Variants in STAC observed in about 807,000 individuals in gnomAD.
STAC encodes the protein SH3 and cysteine rich domain.
In STAC, 43 loss-of-function variants were observed where a neutral mutation model predicts 48.8. The observed-to-expected ratio is 0.88, with a 90% CI of 0.69 to 1.14. The LOEUF (loss-of-function observed/expected upper bound fraction) is 1.14, where lower values mean the gene tolerates loss of function less well. Ranked by LOEUF, STAC falls within the 50% of genes most tolerant of loss-of-function variation. STAC has a pLI of 0.00. For missense variants in STAC, 497 were observed against 504.0 expected (o/e 0.99, Z 0.13); for synonymous variants, 193 against 179.5 (o/e 1.07, Z -0.60).
chr3:36,532,302 T>C (rs926811344), intron 10 of STAC, among the ~76,000 whole-genome samples: 2 of 152,234 alleles, frequency 1.3e-5, no homozygotes, highest in African/African-American at 4.8e-5. Flanking sequence ...TACTTGAAAT[T>C]GACATACTTC....
At chr3:36,469,069 C>G (rs1697255051) in intron 2 of STAC, among the ~76,000 whole-genome samples, 1 of 152,070 alleles carries the variant, frequency 6.6e-6, no homozygotes, top group Non-Finnish European at 1.5e-5. Flanking sequence ...TTAAGTGGAG[C>G]ATTTAGGTCA....
chr3:36,524,507 G>A (rs1470242154), intron 8 of STAC, among the ~76,000 whole-genome samples: 5 of 151,988 alleles, frequency 3.3e-5, no homozygotes, highest in South Asian at 2.1e-4. Flanking sequence ...CAGGAGAATC[G>A]CTTGAACCTG....
intron 2 of STAC, among the ~76,000 whole-genome samples, chr3:36,445,261 AT>A (rs1216118382): frequency 6.6e-6 from 1 of 152,210 alleles, no homozygotes; most frequent in Non-Finnish European, 1.5e-5. Context: ...ACTAAAAAAA[AT>A]GTCCTATGCT....
intron 8 of STAC, among the ~76,000 whole-genome samples, chr3:36,518,260 AG>A (rs1698721513): frequency 6.6e-6 from 1 of 152,248 alleles, no homozygotes; most frequent in Admixed American, 6.5e-5. Flanking sequence ...AAGGATTGAG[AG>A]TAAATAAAAG....
chr3:36,488,296 T>G (rs1697870608), intron 5 of STAC, among the ~76,000 whole-genome samples: 1 of 152,144 alleles, frequency 6.6e-6, no homozygotes, highest in Non-Finnish European at 1.5e-5. Flanking sequence ...TATTGTGAAG[T>G]TAAACAAGGA....
At chr3:36,504,787 GAAT>G (rs1163299898) in intron 7 of STAC, among the ~76,000 whole-genome samples, 8 of 151,870 alleles carry the variant, frequency 5.3e-5, no homozygotes, top group African/African-American at 1.2e-4. Flanking sequence ...AGACAAACTA[GAAT>G]AATATTATAT....
chr3:36,530,601 T>C (rs1425017170), intron 10 of STAC, among the ~76,000 whole-genome samples: 5 of 143,026 alleles, frequency 3.5e-5, no homozygotes, highest in African/African-American at 1.3e-4. Flanking sequence ...TTCTTTTTTT[T>C]TTTTTTTTTT....
intron 2 of STAC, among the ~76,000 whole-genome samples, chr3:36,449,204 AC>A (rs1267416399): frequency 1.3e-5 from 2 of 152,082 alleles, no homozygotes; most frequent in Non-Finnish European, 2.9e-5. Context: ...TGTCTAGCCT[AC>A]CCCCTTTGGA....
At chr3:36,461,956 T>C (rs1490303645) in intron 2 of STAC, among the ~76,000 whole-genome samples, 1 of 152,114 alleles carries the variant, frequency 6.6e-6, no homozygotes, top group African/African-American at 2.4e-5. Flanking sequence ...TGCAAATGGT[T>C]GGTGTTGCTG....
intron 1 of STAC, among the ~76,000 whole-genome samples, chr3:36,418,133 T>G (rs558361154): frequency 2.6e-5 from 4 of 152,288 alleles, no homozygotes; most frequent in African/African-American, 9.6e-5. Context: ...GATTTATCTA[T>G]TTTATGATTT....
At chr3:36,480,714 C>A (rs1392997691) in intron 2 of STAC, among the ~76,000 whole-genome samples, 1 of 152,222 alleles carries the variant, frequency 6.6e-6, no homozygotes. Flanking sequence ...ACAAATAGAT[C>A]TTCAAGTTCC....
At chr3:36,489,109 A>G (rs1338730915) in intron 5 of STAC, among the ~76,000 whole-genome samples, 4 of 152,162 alleles carry the variant, frequency 2.6e-5, no homozygotes, top group South Asian at 2.1e-4. Context: ...TCCTCCCACA[A>G]GCCTTCAAGA....
At chr3:36,543,096 T>C (rs1005796275) in intron 10 of STAC, among the ~76,000 whole-genome samples, 2 of 152,286 alleles carry the variant, frequency 1.3e-5, no homozygotes, top group Admixed American at 1.3e-4. Context: ...ATATTGAGAA[T>C]GTCCTGAGCA....
At chr3:36,465,626 A>G (rs912902989) in intron 2 of STAC, among the ~76,000 whole-genome samples, 1 of 151,874 alleles carries the variant, frequency 6.6e-6, no homozygotes, top group Non-Finnish European at 1.5e-5. Context: ...AACAGTACTA[A>G]AGGGGAATTT....
rs116412464 is a variant in STAC at position 36,487,788 on chromosome 3, C to T, written c.687+1539C>T. Among the ~76,000 whole-genome samples, 516 of 152,200 alleles carry T rather than the reference C, an allele frequency of 3.4e-3. 4 individuals are homozygous for T. The highest frequency in any genetic ancestry group is 0.015 in the East Asian group (78 of 5,180). ...TTCATAGTAAAGATGAAAAATGTTT[C>T]ACTTCGGTAGACATTGCCTCAAAGC... On this transcript the variant is annotated intron_variant, in intron 5 of 10. Transcript: ENST00000273183.
chr3:36,477,223 T>A (rs1220836431), intron 2 of STAC, among the ~76,000 whole-genome samples: 5 of 152,202 alleles, frequency 3.3e-5, no homozygotes, highest in Admixed American at 6.5e-5. Flanking sequence ...AACAAGAATT[T>A]TAACTGTTGT....
intron 10 of STAC, among the ~76,000 whole-genome samples, chr3:36,533,357 A>G (rs1575268111): frequency 6.6e-6 from 1 of 152,008 alleles, no homozygotes; most frequent in East Asian, 1.9e-4. Flanking sequence ...AACCTTCCCC[A>G]AGTTTACCCA....
At chr3:36,522,283 G>A (rs924517428) in intron 8 of STAC, among the ~76,000 whole-genome samples, 1 of 152,016 alleles carries the variant, frequency 6.6e-6, no homozygotes, top group Non-Finnish European at 1.5e-5. Flanking sequence ...TCTCCCTCAG[G>A]GATGACCCTT....
At chr3:36,420,627 G>C (rs1005995860) in intron 1 of STAC, among the ~76,000 whole-genome samples, 4 of 152,176 alleles carry the variant, frequency 2.6e-5, no homozygotes, top group African/African-American at 9.7e-5. Flanking sequence ...GATAATCTGA[G>C]GTGGAACACT....
Sources: allele counts gnomAD v4.1 joint callset (sites outside exome capture counted in the v4.1 genomes callset), GRCh38; gene constraint gnomAD v4.1.1; transcripts MANE v1.5; gene names NCBI Gene and HGNC (gene_info 2026-07-23, HGNC 2026-07-21).